The following COL14A1 variants were observed in gnomAD, a reference collection of about 807,000 sequenced individuals.
COL14A1 encodes the protein collagen alpha-1(XIV) chain.
COL14A1 carries 136 observed loss-of-function variants against 230.3 expected under a neutral mutation model. The ratio of observed to expected loss-of-function variants is 0.59; its 90% CI spans 0.51 to 0.68. The LOEUF is 0.68. COL14A1 is among the 30% of genes least tolerant of loss of function. The pLI is 0.00. For missense variants in COL14A1, 1,976 were observed against 2,215.8 expected, an observed-to-expected ratio of 0.89 and a Z score of 2.17; for synonymous variants, 792 against 784.1, an observed-to-expected ratio of 1.01 and a Z score of -0.17.
At chr8:120,197,318 C>G (rs1020785733) in intron 6 of COL14A1, among the ~76,000 whole-genome samples, 1 of 151,892 alleles carries the variant, frequency 6.6e-6, no homozygotes, top group Admixed American at 6.6e-5. Context: ...ACAAGATAAC[C>G]TTTGCCAAAT....
intron 40 of COL14A1, among the ~76,000 whole-genome samples, chr8:120,330,603 C>T (rs925617834): frequency 4.6e-5 from 7 of 152,122 alleles, no homozygotes; most frequent in East Asian, 1.9e-4. Context: ...CCTCCCACTG[C>T]GTCACTCTCA....
chr8:120,196,053 C>G (rs1817027242), intron 5 of COL14A1, among the ~76,000 whole-genome samples: 1 of 152,158 alleles, frequency 6.6e-6, no homozygotes, highest in African/African-American at 2.4e-5. Flanking sequence ...GTGGGGCCTT[C>G]TCTAATAGTA....
intron 5 of COL14A1, among the ~76,000 whole-genome samples, chr8:120,190,477 C>T (rs1281944631): frequency 6.6e-6 from 1 of 152,046 alleles, no homozygotes; most frequent in East Asian, 1.9e-4. Context: ...TGTGCAGAAG[C>T]TCTTTAGTTT....
intron 26 of COL14A1, among the ~76,000 whole-genome samples, chr8:120,272,640 G>A (rs1426083684): frequency 1.3e-5 from 2 of 151,338 alleles, no homozygotes; most frequent in East Asian, 1.9e-4. Context: ...AGCAGGAGTA[G>A]CAATTCTTAT....
intron 23 of COL14A1, among the ~76,000 whole-genome samples, chr8:120,258,769 A>G (rs1328351698): frequency 6.6e-6 from 1 of 152,162 alleles, no homozygotes; most frequent in African/African-American, 2.4e-5. Context: ...GCCCAAAGTG[A>G]GAGATTTTTG....
At chr8:120,344,905 G>A (rs762158605) in intron 44 of COL14A1, among the ~76,000 whole-genome samples, 1 of 152,084 alleles carries the variant, frequency 6.6e-6, no homozygotes, top group African/African-American at 2.4e-5. Context: ...CCAAGTAAAG[G>A]TTCCTAAAAA....
At chr8:120,232,666 A>G (rs1818312808) in intron 19 of COL14A1, among the ~76,000 whole-genome samples, 2 of 152,282 alleles carry the variant, frequency 1.3e-5, no homozygotes, top group Admixed American at 6.5e-5. Context: ...CCAGTCTATC[A>G]TTGATGGGCA....
intron 42 of COL14A1, among the ~76,000 whole-genome samples, chr8:120,335,417 T>C (rs765951167): frequency 6.6e-6 from 1 of 152,172 alleles, no homozygotes; most frequent in Non-Finnish European, 1.5e-5. Flanking sequence ...TAGCATCAGG[T>C]AGGAATACCA....
chr8:120,300,594 G>A, intron 35 of COL14A1, 138 bp from the exon 36 acceptor site: 2 of 684,046 alleles, frequency 2.9e-6, no homozygotes, highest in Non-Finnish European at 5.1e-6. Context: ...TTTGTAATCA[G>A]GAGTGAATAT....
Position 120,306,633 on chromosome 8 carries a change from T to A in COL14A1, c.4402-3376T>A, listed in dbSNP as rs149046118. On this transcript the variant is annotated intron_variant, in intron 36 of 47. Transcript: ENST00000297848. ...ATTCTCTTTGTGAAGTCTAAGCCTC[T>A]CTTATTGAAAAAATGAGTGTTTTCG... 1.3e-3 allele frequency among the ~76,000 whole-genome samples: 199 copies of A among 152,276 alleles called. 1 individual carries two copies. Among genetic ancestry groups the A allele is most frequent in the African/African-American group, 4.6e-3 (190 of 41,562 alleles).
At chr8:120,194,041 G>A (rs999620474) in intron 5 of COL14A1, among the ~76,000 whole-genome samples, 13 of 152,266 alleles carry the variant, frequency 8.5e-5, no homozygotes, top group South Asian at 4.1e-4. Context: ...GCTCGCGCAC[G>A]GTGCGCTGCA....
At position 120,247,697 on chromosome 8, in the gene COL14A1, C is replaced by A. The variant is rs2305606; in HGVS notation, c.2564C>A (p.Pro855Gln). ...LRITWDPPSS[P>Q]VKGYRIVYKP... ...ATTACGTGGGACCCCCCATCTTCCC[C>A]GGTGAAAGGCTATAGAATTGTCTAC... The change falls in exon 21 of 48, where the codon CCG becomes CAG. Residue 855 changes from proline (P) to glutamine (Q), a missense_variant. Physicochemically the swap from Pro to Gln is moderately conservative, Grantham distance 76 (BLOSUM62 -1). Transcript: ENST00000297848. 1.2e-6 allele frequency: 2 copies of A among 1,614,050 alleles called. No homozygotes were observed. Among genetic ancestry groups the A allele is most frequent in the Non-Finnish European group, 1.7e-6 (2 of 1,180,002 alleles).
At chr8:120,230,554 C>G (rs1483054974) in intron 18 of COL14A1, among the ~76,000 whole-genome samples, 2 of 152,062 alleles carry the variant, frequency 1.3e-5, no homozygotes, top group Non-Finnish European at 2.9e-5. Context: ...CCCCGTTTTT[C>G]TCTTGCAATC....
At chr8:120,336,242 G>A (rs1822067902) in intron 42 of COL14A1, among the ~76,000 whole-genome samples, 1 of 152,116 alleles carries the variant, frequency 6.6e-6, no homozygotes, top group African/African-American at 2.4e-5. Flanking sequence ...TGCTCTGAAA[G>A]CTCCATTAAG....
At chr8:120,223,707 T>C (rs539185939) in intron 14 of COL14A1, among the ~76,000 whole-genome samples, 21 of 152,244 alleles carry the variant, frequency 1.4e-4, no homozygotes, top group African/African-American at 4.8e-4. Context: ...CTTATTGCTC[T>C]GCTCAAATGT....
intron 5 of COL14A1, among the ~76,000 whole-genome samples, chr8:120,189,971 A>G (rs1299387895): frequency 1.3e-5 from 2 of 151,182 alleles, no homozygotes; most frequent in Non-Finnish European, 3.0e-5. Context: ...TTATAGCAGC[A>G]TGATTTATAG....
chr8:120,204,271 C>T (rs2054148), intron 9 of COL14A1, among the ~76,000 whole-genome samples: 83,951 of 151,948 alleles, frequency 0.55, 24,104 homozygotes, highest in African/African-American at 0.7. Flanking sequence ...ACAGGCAAGA[C>T]ACAGCACATT....
chr8:120,128,230 T>TGC (rs1563624793), intron 1 of COL14A1, among the ~76,000 whole-genome samples: 1 of 65,246 alleles, frequency 1.5e-5, no homozygotes, highest in African/African-American at 6.0e-5. Context: ...TGCGCGCGCG[T>TGC]GTGTGTGTGT....
chr8:120,193,840 G>C (rs4475533), intron 5 of COL14A1, among the ~76,000 whole-genome samples: 1,598 of 152,296 alleles, frequency 0.01, 33 homozygotes, highest in African/African-American at 0.037. Context: ...TGTGGGCGTA[G>C]GACCCTCCGA....
Sources: allele counts gnomAD v4.1 joint callset (sites outside exome capture counted in the v4.1 genomes callset), GRCh38; gene constraint gnomAD v4.1.1; transcripts MANE v1.5; gene names NCBI Gene and HGNC (gene_info 2026-07-23, HGNC 2026-07-21).